FOXP1: variants seen among roughly 807,000 people sequenced by gnomAD.
FOXP1 encodes the protein forkhead box P1, also known as forkhead box protein P1.
FOXP1 carries 15 observed loss-of-function variants against 98.2 expected under a neutral mutation model. The observed-to-expected ratio is 0.15, with a 90% CI of 0.10 to 0.24. FOXP1 has a LOEUF of 0.24. FOXP1 is among the 10% of genes least tolerant of loss of function. The pLI is 1.00. For missense variants in FOXP1, 633 were observed against 848.5 expected (o/e 0.75, Z 3.15); for synonymous variants, 371 against 314.5 (o/e 1.18, Z -1.90).
chr3:71,245,808 C>A (rs988640119), intron 5 of FOXP1, among the ~76,000 whole-genome samples: 5 of 151,122 alleles, frequency 3.3e-5, no homozygotes, highest in Admixed American at 6.6e-5. Context: ...CCACCCCCCC[C>A]ACCCACAAAT....
At chr3:71,053,265 A>G (rs2050155340) in intron 8 of FOXP1, among the ~76,000 whole-genome samples, 1 of 152,206 alleles carries the variant, frequency 6.6e-6, no homozygotes, top group Admixed American at 6.5e-5. Flanking sequence ...TCTGAGTCGA[A>G]ATGGGGACAT....
chr3:71,504,435 G>T (rs925010244), intron 2 of FOXP1, among the ~76,000 whole-genome samples: 1 of 152,160 alleles, frequency 6.6e-6, no homozygotes, highest in African/African-American at 2.4e-5. Flanking sequence ...CTGACCCACT[G>T]CCTCAAAGTA....
In FOXP1 at chr3:71,088,946, C is replaced by T. The variant is rs183012905; in HGVS notation, c.282+23590G>A. On this transcript the variant is annotated intron_variant, in intron 7 of 20. Transcript: ENST00000649528. ...AATAATACTTTGGCCAATGACCTTA[C>T]GCCAAGAGTACACCAGTGCTCAGGT... Among the ~76,000 whole-genome samples the T allele has an allele frequency of 5.3e-5, 8 of 152,284 alleles. No homozygotes were observed. The East Asian group carries it at 7.7e-4, about 15-fold the overall frequency.
In FOXP1 at chr3:71,248,097, A is replaced by G. The variant is rs2107005712; in HGVS notation, c.-11-49705T>C. Among the ~76,000 whole-genome samples, 2 of 152,322 alleles carry G rather than the reference A, an allele frequency of 1.3e-5. 1 individual carries two copies. Among genetic ancestry groups the G allele is most frequent in the East Asian group, 3.9e-4 (2 of 5,180 alleles). On this transcript the variant is annotated intron_variant, in intron 5 of 20. Transcript: ENST00000649528. Reference sequence around the variant, plus strand: ...GCCTCCTCTTGGACTTGTCAATTACACAAGCCAATTAAATTCCCTTATTTG... The same window carrying G: ...GCCTCCTCTTGGACTTGTCAATTACGCAAGCCAATTAAATTCCCTTATTTG...
chr3:70,964,545 C>T (rs1237317929), intron 20 of FOXP1, among the ~76,000 whole-genome samples: 1 of 152,166 alleles, frequency 6.6e-6, no homozygotes, highest in South Asian at 2.1e-4. Context: ...TTTACGTTTG[C>T]TCTGAACTTC....
At chr3:71,525,090 T>G (rs1362361704) in intron 2 of FOXP1, among the ~76,000 whole-genome samples, 3 of 152,234 alleles carry the variant, frequency 2.0e-5, no homozygotes, top group Non-Finnish European at 4.4e-5. Flanking sequence ...ATATGCCTGA[T>G]GCAGGGTCCA....
chr3:71,158,859 A>C (rs918047518), intron 6 of FOXP1, among the ~76,000 whole-genome samples: 3 of 152,058 alleles, frequency 2.0e-5, no homozygotes, highest in Non-Finnish European at 2.9e-5. Context: ...TAATCCCAGC[A>C]CTTTGGGGGG....
intron 3 of FOXP1, among the ~76,000 whole-genome samples, chr3:71,489,008 C>T (rs991797901): frequency 6.6e-6 from 1 of 152,236 alleles, no homozygotes. Flanking sequence ...CCCTGACAGG[C>T]TGCAGCACAT....
intron 7 of FOXP1, among the ~76,000 whole-genome samples, chr3:71,089,495 T>A (rs1259002939): frequency 6.6e-6 from 1 of 152,162 alleles, no homozygotes. Context: ...TGTAAAAGAA[T>A]AAATGTTTAA....
At chr3:71,444,263 G>A (rs1001824075) in intron 3 of FOXP1, among the ~76,000 whole-genome samples, 5 of 152,080 alleles carry the variant, frequency 3.3e-5, no homozygotes, top group Non-Finnish European at 5.9e-5. Flanking sequence ...GCTGCCTCTC[G>A]TCCCACTCCA....
chr3:71,444,880 G>A (rs1225348086), intron 3 of FOXP1, among the ~76,000 whole-genome samples: 1 of 152,180 alleles, frequency 6.6e-6, no homozygotes, highest in Non-Finnish European at 1.5e-5. Context: ...ATTGGGGGGA[G>A]TGGGGATGGC....
intron 6 of FOXP1, among the ~76,000 whole-genome samples, chr3:71,151,573 T>A (rs1310504099): frequency 1.3e-5 from 2 of 151,700 alleles, no homozygotes; most frequent in East Asian, 3.9e-4. Context: ...TATAGCCACC[T>A]CTGCACTAGA....
chr3:71,167,498 GATTATT>G (rs990832738), intron 6 of FOXP1, among the ~76,000 whole-genome samples: 399 of 152,214 alleles, frequency 2.6e-3, no homozygotes, highest in African/African-American at 9.1e-3. Context: ...TATTATTATT[GATTATT>G]ATTATTTGGT....
intron 4 of FOXP1, chr3:71,334,855 G>C (rs1362245355): frequency 6.6e-6 from 1 of 152,172 alleles, no homozygotes. Context: ...AACTGGTACT[G>C]AGCACTGAAC....
chr3:71,375,022 C>A (rs1337082331), intron 3 of FOXP1, among the ~76,000 whole-genome samples: 1 of 152,112 alleles, frequency 6.6e-6, no homozygotes, highest in African/African-American at 2.4e-5. Context: ...TAGGTTTATT[C>A]TAGATTTTCT....
chr3:71,313,492 C>G (rs1386695691), intron 4 of FOXP1, among the ~76,000 whole-genome samples: 2 of 151,670 alleles, frequency 1.3e-5, no homozygotes, highest in African/African-American at 4.8e-5. Context: ...TTTATAAAGG[C>G]AAGGCTGAGG....
intron 14 of FOXP1, among the ~76,000 whole-genome samples, chr3:70,979,642 T>TATAGTC (rs2038438247): frequency 6.6e-6 from 1 of 152,170 alleles, no homozygotes; most frequent in Admixed American, 6.5e-5. Flanking sequence ...TCACCATTGC[T>TATAGTC]ATAGTCAGTC....
intron 6 of FOXP1, chr3:71,130,561 G>A: frequency 1.3e-6 from 2 of 1,598,454 alleles, no homozygotes; most frequent in South Asian, 1.1e-5. Context: ...CCGTCTTCTT[G>A]CTGTAGATGG....
chr3:71,231,246 A>C (rs1364014899), intron 5 of FOXP1, among the ~76,000 whole-genome samples: 3 of 152,232 alleles, frequency 2.0e-5, no homozygotes, highest in Admixed American at 6.5e-5. Context: ...AAAACTCAAA[A>C]AATAACTAAA....
Sources: allele counts gnomAD v4.1 joint callset (sites outside exome capture counted in the v4.1 genomes callset), GRCh38; gene constraint gnomAD v4.1.1; transcripts MANE v1.5; gene names NCBI Gene and HGNC (gene_info 2026-07-23, HGNC 2026-07-21).